GATA4: variants seen among roughly 807,000 people sequenced by gnomAD.
GATA4 encodes transcription factor GATA-4.
In GATA4, 7 loss-of-function variants were observed where a neutral mutation model predicts 37.9. The observed-to-expected ratio is 0.18, with a 90% CI of 0.11 to 0.35. GATA4 has a LOEUF of 0.35. Among genes scored for constraint, GATA4 ranks in the 10% least tolerant of loss-of-function variants. The pLI is 1.00. For synonymous variants in GATA4, 372 were observed against 292.6 expected (o/e 1.27, Z -2.77); for missense variants, 647 against 653.0 (o/e 0.99, Z 0.10).
chr8:11,694,441 C>T (rs1357918129), intron 1 of GATA4: 2 of 980,948 alleles, frequency 2.0e-6, no homozygotes, highest in East Asian at 1.1e-4. Flanking sequence ...TTCTTTTCTT[C>T]CCCCAGAACA....
At chr8:11,731,193 G>A (rs1362585983) in intron 2 of GATA4, among the ~76,000 whole-genome samples, 1 of 152,214 alleles carries the variant, frequency 6.6e-6, no homozygotes, top group African/African-American at 2.4e-5. Flanking sequence ...TTTCCTGGCT[G>A]GATCAGCAAA....
intron 2 of GATA4, among the ~76,000 whole-genome samples, chr8:11,741,062 G>A (rs1410511273): frequency 6.6e-6 from 1 of 152,128 alleles, no homozygotes; most frequent in Non-Finnish European, 1.5e-5. Flanking sequence ...TGGTATCCCA[G>A]CCTGCGGTTC....
chr8:11,756,292 G>A (rs1802565449), intron 5 of GATA4, among the ~76,000 whole-genome samples: 1 of 152,116 alleles, frequency 6.6e-6, no homozygotes, highest in Non-Finnish European at 1.5e-5. Context: ...CTTCTGGCAG[G>A]CATATTTCCT....
Position 11,758,379 on chromosome 8 carries a change from G to T in GATA4, c.1236G>T (p.Ala412=). 1 of 1,614,134 alleles carries T rather than the reference G, an allele frequency of 6.2e-7. No homozygotes were observed. The highest frequency in any genetic ancestry group is 8.5e-7 in the Non-Finnish European group (1 of 1,180,008). ...SALKLSPQGY[A]SPVSQSPQTS... is the part of the protein sequence containing the mutation. ...TGAAGCTCTCCCCACAAGGCTATGC[G>T]TCTCCCGTCAGCCAGTCTCCACAGA... Residue 412 remains alanine (A), a synonymous_variant, in exon 7 of 7, where the codon GCG becomes GCT. Coordinates refer to ENST00000532059, the MANE Select transcript of GATA4 (RefSeq NM_001308093.3).
At chr8:11,742,164 C>T (rs957348018) in intron 2 of GATA4, among the ~76,000 whole-genome samples, 6 of 152,250 alleles carry the variant, frequency 3.9e-5, no homozygotes, top group Admixed American at 3.3e-4. Flanking sequence ...AGGGAGGAGC[C>T]GCTGGGGCCC....
intron 1 of GATA4, among the ~76,000 whole-genome samples, chr8:11,694,238 T>A (rs1299372412): frequency 2.0e-5 from 3 of 152,224 alleles, no homozygotes; most frequent in African/African-American, 7.2e-5. Flanking sequence ...TTGTGAATTG[T>A]AGCTCTTATG....
At chr8:11,750,392 C>T (rs777289548) in intron 4 of GATA4, among the ~76,000 whole-genome samples, 156 bp downstream of exon 4, 4 of 152,208 alleles carry the variant, frequency 2.6e-5, no homozygotes, top group African/African-American at 4.8e-5. Flanking sequence ...TGGCCTCTTC[C>T]GTCCTTTACA....
chr8:11,699,843 T>C (rs1340355254), upstream of GATA4, among the ~76,000 whole-genome samples: 3 of 152,266 alleles, frequency 2.0e-5, no homozygotes, highest in African/African-American at 7.2e-5. Context: ...ATAAACTTTT[T>C]TAAACATTGA....
intron 2 of GATA4, among the ~76,000 whole-genome samples, chr8:11,723,976 C>T (rs1027241586): frequency 8.5e-5 from 13 of 152,152 alleles, no homozygotes; most frequent in Admixed American, 6.5e-5. Flanking sequence ...GTCTCCGTAT[C>T]CCCTTCCCTC....
At chr8:11,748,813 A>G (rs1168978975) in intron 2 of GATA4, 103 bp from the exon 3 acceptor site, 1 of 1,338,920 alleles carries the variant, frequency 7.5e-7, no homozygotes, top group East Asian at 2.3e-5. Flanking sequence ...TTTCCAAGGA[A>G]AGGGCATTGT....
intron 2 of GATA4, among the ~76,000 whole-genome samples, chr8:11,738,739 C>G (rs182337927): frequency 2.5e-4 from 38 of 152,340 alleles, no homozygotes; most frequent in Admixed American, 2.3e-3. Context: ...GGCTGCGGGG[C>G]TGTAGCATGT....
intron 1 of GATA4, among the ~76,000 whole-genome samples, chr8:11,678,612 G>C (rs1048169017): frequency 6.6e-6 from 1 of 152,218 alleles, no homozygotes; most frequent in Non-Finnish European, 1.5e-5. Context: ...CTAGAATCCT[G>C]TGATTTATCA....
rs547451014 is a variant in GATA4 at position 11,727,251 on chromosome 8, AAC to A, written c.616+18327_616+18328del. ...GATATTGAGTTTCCTCCCCTGTGTA[AAC>A]ACATCTCCAGGAGTGGCATTAATAA... On this transcript the variant is annotated intron_variant, in intron 2 of 6. Transcript: ENST00000532059. Among the ~76,000 whole-genome samples, 196 of 152,194 alleles carry A rather than the reference AAC, an allele frequency of 1.3e-3. 1 individual carries two copies. Among genetic ancestry groups the A allele is most frequent in the Non-Finnish European group, 1.8e-3 (125 of 68,018 alleles).
At chr8:11,698,980 G>T (rs1000240064) in intron 1 of GATA4, among the ~76,000 whole-genome samples, 8 of 152,170 alleles carry the variant, frequency 5.3e-5, no homozygotes, top group African/African-American at 1.9e-4. Context: ...AGTGCACCAG[G>T]TCCCTTGAGG....
At chr8:11,721,200 G>C (rs983111548) in intron 2 of GATA4, among the ~76,000 whole-genome samples, 1 of 151,352 alleles carries the variant, frequency 6.6e-6, no homozygotes, top group Admixed American at 6.6e-5. Flanking sequence ...CTGGGCGCCT[G>C]AAGTCAAGGC....
At chr8:11,741,309 C>T (rs1373616322) in intron 2 of GATA4, among the ~76,000 whole-genome samples, 1 of 152,032 alleles carries the variant, frequency 6.6e-6, no homozygotes, top group Non-Finnish European at 1.5e-5. Context: ...GAGACCCCAT[C>T]TCTACAAAAT....
intron 2 of GATA4, among the ~76,000 whole-genome samples, chr8:11,729,409 A>C (rs941897512): frequency 1.3e-5 from 2 of 152,112 alleles, no homozygotes; most frequent in Non-Finnish European, 2.9e-5. Context: ...CTCTATTAAA[A>C]ATACAAAAAA....
rs809205 is a variant in GATA4 at position 11,757,956 on chromosome 8, T to C, written c.1150-337T>C. Among the ~76,000 whole-genome samples, 106,577 of 152,170 alleles carry C rather than the reference T, an allele frequency of 0.7. 37,901 individuals carry two copies. Among genetic ancestry groups the C allele is most frequent in the African/African-American group, 0.82 (34,039 of 41,522 alleles). ...AGGAGCCCCTTCTGGGCCGGGTGGATGGCTTCTTTGTTGGAAAGTGGATGT... is the reference window on the plus strand; with the variant it reads ...AGGAGCCCCTTCTGGGCCGGGTGGACGGCTTCTTTGTTGGAAAGTGGATGT... On this transcript the variant is annotated intron_variant, in intron 6 of 6. Coordinates refer to ENST00000532059, the MANE Select transcript of GATA4 (RefSeq NM_001308093.3).
At chr8:11,735,813 G>A (rs142551390) in intron 2 of GATA4, among the ~76,000 whole-genome samples, 1 of 152,258 alleles carries the variant, frequency 6.6e-6, no homozygotes, top group African/African-American at 2.4e-5. Flanking sequence ...CGCCCGCCTC[G>A]GCCTCCCAAA....
Sources: allele counts gnomAD v4.1 joint callset (sites outside exome capture counted in the v4.1 genomes callset), GRCh38; gene constraint gnomAD v4.1.1; transcripts MANE v1.5; gene names NCBI Gene and HGNC (gene_info 2026-07-23, HGNC 2026-07-21).